USP10: variants seen among roughly 807,000 people sequenced by gnomAD.
USP10 encodes the protein ubiquitin specific peptidase 10, also known as ubiquitin carboxyl-terminal hydrolase 10.
Under a neutral mutation model 84.5 loss-of-function variants are expected in USP10, and 22 were observed. The observed-to-expected ratio is 0.26, with a 90% CI of 0.19 to 0.37. The LOEUF is 0.37. USP10 is among the 10% of genes least tolerant of loss of function. The pLI is 1.00. For missense variants in USP10, 1,019 were observed against 998.9 expected (o/e 1.02, Z -0.27); for synonymous variants, 454 against 387.6 (o/e 1.17, Z -2.01).
chr16:84,715,258 A>C (rs984259161), intron 1 of USP10, among the ~76,000 whole-genome samples: 4 of 152,198 alleles, frequency 2.6e-5, no homozygotes, highest in African/African-American at 7.2e-5. Context: ...AAGCTGACTT[A>C]TGTTTGGTGA....
chr16:84,714,576 TCAG>T (rs1028067136), intron 1 of USP10, among the ~76,000 whole-genome samples: 5 of 152,200 alleles, frequency 3.3e-5, no homozygotes, highest in Non-Finnish European at 5.9e-5. Flanking sequence ...AACTTAATCT[TCAG>T]CATTGTTTTT....
At chr16:84,760,133 A>G (rs1312319384) in intron 7 of USP10, 39 bp from the exon 8 acceptor site, 3 of 1,573,424 alleles carry the variant, frequency 1.9e-6, no homozygotes, top group South Asian at 2.3e-5. Flanking sequence ...TTATGAGTTC[A>G]TTGTAGTTAG....
chr16:84,708,914 A>T (rs150929644), intron 1 of USP10: 1 of 152,390 alleles, frequency 6.6e-6, no homozygotes, highest in African/African-American at 2.4e-5. Flanking sequence ...TGAAGAGAGA[A>T]TTCCTGTGCT....
In USP10 at chr16:84,760,262, G is replaced by A. The variant is rs770764632; in HGVS notation, c.1541G>A (p.Ser514Asn). Reference protein sequence around the residue: ...IYRLLTVNKSSLSEKGRQEDA... With the variant: ...IYRLLTVNKSNLSEKGRQEDA... ...AGACTCCTGACAGTTAACAAGTCAA[G>A]CCTGTCTGAAAAGGTTTGAGACTTC... Residue 514 changes from serine (S) to asparagine (N), a missense_variant, in exon 8 of 14, where the codon AGC becomes AAC. Physicochemically the swap from Ser to Asn is conservative, Grantham distance 46 (BLOSUM62 1). Coordinates refer to ENST00000219473, the MANE Select transcript of USP10 (RefSeq NM_005153.3). The A allele has an allele frequency of 2.3e-5, 37 of 1,605,972 alleles. No individual in the cohort carries two copies. The highest frequency in any genetic ancestry group is 3.0e-5 in the Non-Finnish European group (35 of 1,175,842).
chr16:84,759,299 G>A lies in USP10; in HGVS notation c.1285-64G>A, dbSNP rs1036309016. 92 of 1,446,374 alleles carry A rather than the reference G, an allele frequency of 6.4e-5. No individual in the cohort carries two copies. The East Asian group carries it at 1.9e-3, about 29-fold the overall frequency. 89.6% of individuals were successfully genotyped at this position (1,446,374 alleles called of 1,614,324 possible). A position where few individuals can be genotyped will look rare whatever the true frequency, so the allele number is the denominator to read the frequency against. ...TTTTATAAACATTCTTGTGCTTCAT[G>A]TGCCTTCAGGAAATGTGGTGTGTCT... On this transcript the variant is annotated intron_variant, in intron 5 of 13. Transcript: ENST00000219473.
intron 10 of USP10, among the ~76,000 whole-genome samples, chr16:84,765,474 G>A (rs1219807155): frequency 3.2e-5 from 4 of 126,938 alleles, no homozygotes; most frequent in Admixed American, 8.6e-5. Context: ...CTGTAGTTTC[G>A]TCTTTTTTTT....
At chr16:84,733,301 C>G (rs921062190) in intron 1 of USP10, 134 bp from the exon 2 acceptor site, 11 of 668,492 alleles carry the variant, frequency 1.6e-5, no homozygotes, top group South Asian at 1.1e-4. Context: ...TGCAGATCCT[C>G]TGTTTAATTG....
At chr16:84,738,578 G>C (rs1383005932) in intron 2 of USP10, among the ~76,000 whole-genome samples, 2 of 152,136 alleles carry the variant, frequency 1.3e-5, no homozygotes, top group Non-Finnish European at 2.9e-5. Flanking sequence ...TTTGCCTTGC[G>C]GGTGCCAAGG....
intron 13 of USP10, among the ~76,000 whole-genome samples, chr16:84,778,240 C>G (rs1915224353): frequency 6.6e-6 from 1 of 152,042 alleles, no homozygotes; most frequent in South Asian, 2.1e-4. Flanking sequence ...GTTAGCAGTC[C>G]CAGGGTCCCT....
chr16:84,768,148 A>C, intron 10 of USP10, 45 bp from the exon 11 acceptor site: 1 of 1,530,676 alleles, frequency 6.5e-7, no homozygotes, highest in Non-Finnish European at 8.8e-7. Flanking sequence ...GGAAAGTGGC[A>C]AGGAGTGGTC....
intron 1 of USP10, chr16:84,732,379 A>T: frequency 2.7e-6 from 1 of 374,910 alleles, no homozygotes; most frequent in Non-Finnish European, 5.1e-6. Context: ...TTATTGATTA[A>T]ATGAATGAAT....
chr16:84,704,789 C>A, intron 1 of USP10: 2 of 1,535,564 alleles, frequency 1.3e-6, no homozygotes, highest in Non-Finnish European at 1.7e-6. Context: ...AACCCAGAAG[C>A]TCTACCAGCA....
chr16:84,718,681 A>G (rs1350530602), intron 1 of USP10, among the ~76,000 whole-genome samples: 2 of 150,764 alleles, frequency 1.3e-5, no homozygotes, highest in Non-Finnish European at 3.0e-5. Context: ...GCTTGAACCC[A>G]GGAGTCGGAG....
chr16:84,737,243 C>G (rs767349829), intron 2 of USP10, among the ~76,000 whole-genome samples: 6 of 152,222 alleles, frequency 3.9e-5, no homozygotes, highest in Non-Finnish European at 7.3e-5. Flanking sequence ...AAGGCCGCAG[C>G]ACTGTTTTCA....
At chr16:84,731,819 T>C (rs1459210691) in intron 1 of USP10, among the ~76,000 whole-genome samples, 1 of 152,162 alleles carries the variant, frequency 6.6e-6, no homozygotes, top group Non-Finnish European at 1.5e-5. Flanking sequence ...TCTGCTTCCT[T>C]TTAGCCTATA....
chr16:84,711,683 C>A (rs910813814), intron 1 of USP10, among the ~76,000 whole-genome samples: 1 of 150,938 alleles, frequency 6.6e-6, no homozygotes, highest in Admixed American at 6.6e-5. Flanking sequence ...TTTTCTTCCA[C>A]CTATAACTAG....
intron 1 of USP10, among the ~76,000 whole-genome samples, chr16:84,715,242 A>G (rs1906861384): frequency 6.6e-6 from 1 of 152,108 alleles, no homozygotes; most frequent in Non-Finnish European, 1.5e-5. Context: ...TTTATAAAAT[A>G]TCAATAAGCT....
At chr16:84,748,338 C>CT (rs1295200993) in intron 4 of USP10, among the ~76,000 whole-genome samples, 2 of 151,946 alleles carry the variant, frequency 1.3e-5, no homozygotes, top group African/African-American at 2.4e-5. Context: ...GGGTCTCACT[C>CT]TGTCGCCCAG....
intron 4 of USP10, among the ~76,000 whole-genome samples, chr16:84,757,182 C>T (rs1032865936): frequency 5.9e-5 from 9 of 152,130 alleles, no homozygotes; most frequent in Admixed American, 2.6e-4. Flanking sequence ...GGGTTCAGTT[C>T]GTAACTGATC....
Sources: gnomAD v4.1 joint callset for allele counts (sites outside exome capture counted in the v4.1 genomes callset) on GRCh38, gnomAD v4.1.1 for gene constraint, MANE v1.5 for transcripts, NCBI Gene and HGNC (gene_info 2026-07-23, HGNC 2026-07-21) for gene names.